Variants in DYNC2H1 observed in about 807,000 individuals in gnomAD.
DYNC2H1 encodes the protein cytoplasmic dynein 2 heavy chain 1.
A neutral mutation model predicts 570.0 loss-of-function variants in DYNC2H1; 410 were observed. The ratio of observed to expected loss-of-function variants is 0.72; its 90% CI spans 0.66 to 0.78. The LOEUF (loss-of-function observed/expected upper bound fraction) is 0.78, where lower values mean the gene tolerates loss of function less well. Among genes scored for constraint, DYNC2H1 ranks in the 30% least tolerant of loss-of-function variants. The probability of loss-of-function intolerance (pLI) is 0.00; values close to 1 mark genes in which losing one functional copy is unlikely to be tolerated. For synonymous variants in DYNC2H1, 1,688 were observed against 1,677.6 expected (o/e 1.01, Z -0.15); for missense variants, 4,865 against 5,046.4 (o/e 0.96, Z 1.09).
chr11:103,285,647 A>G (rs560053322), intron 73 of DYNC2H1, among the ~76,000 whole-genome samples: 74 of 150,964 alleles, frequency 4.9e-4, no homozygotes, highest in African/African-American at 1.4e-3. Context: ...CTGGTGTCAA[A>G]CTCCTGACCT....
intron 87 of DYNC2H1, among the ~76,000 whole-genome samples, chr11:103,467,509 CTGTTTTGTTTTGTTTTGTTT>C (rs6144488): frequency 0.074 from 10,975 of 149,248 alleles, 615 homozygotes; most frequent in East Asian, 0.25. Flanking sequence ...TTTGAAGGCA[CTGTTTTGTTTTGTTTTGTTT>C]TGTTTTGTTT....
chr11:103,224,657 G>A (rs569363652), intron 59 of DYNC2H1, among the ~76,000 whole-genome samples: 1 of 152,250 alleles, frequency 6.6e-6, no homozygotes, highest in African/African-American at 2.4e-5. Flanking sequence ...CTGAATGATG[G>A]GCATTGGGTT....
At position 103,117,847 on chromosome 11, in the gene DYNC2H1, G is replaced by T. The variant is rs1433105023; in HGVS notation, c.983G>T (p.Gly328Val). 4 of 1,611,718 alleles carry T rather than the reference G, an allele frequency of 2.5e-6. No individual in the cohort carries two copies. In the South Asian group the frequency reaches 3.3e-5, roughly 13 times the overall value. The change falls in exon 6 of 89, where the codon GGC (glycine) becomes GTC (valine). Residue 328 changes from glycine (G) to valine (V), a missense_variant. Gly to Val is a moderately radical substitution (Grantham distance 109). This residue lies in a region of DYNC2H1 where 1,936 missense variants were observed against 1,962.1 expected (regional missense o/e 0.99). Coordinates refer to ENST00000375735, the MANE Select transcript of DYNC2H1 (RefSeq NM_001377.3). ...TTTCCAGAAACACTTGACAAACTTG[G>T]CAAACGCCTTGAAGAGGTATCAATT... is the stretch of plus-strand genomic sequence containing the variant. ...KYFPETLDKL[G>V]KRLEEVLAIR...
In DYNC2H1 at chr11:103,152,165, C is replaced by CA; in HGVS notation, c.2981dup (p.Asn994LysfsTer16). 6.3e-7 allele frequency: 1 copy of CA among 1,596,050 alleles called. No individual in the cohort carries two copies. Among genetic ancestry groups the CA allele is most frequent in the Non-Finnish European group, 8.5e-7 (1 of 1,173,270 alleles). ...TGCCCTTATTTCAAGAAGCTGAAGA[C>CA]AAAAACAGACTTTTACGAACTGTGG... On this transcript the variant is annotated frameshift_variant, in exon 21 of 89. Coordinates refer to ENST00000375735, the MANE Select transcript of DYNC2H1 (RefSeq NM_001377.3). LOFTEE classifies it high-confidence loss of function.
chr11:103,191,679 A>T lies in DYNC2H1; in HGVS notation c.7540+60A>T, dbSNP rs899265242. ...GTGTGTGTGCACATTTATTCTCTAG[A>T]TTGTATTTGTAATAGATAAGTTAAA... is the stretch of plus-strand genomic sequence containing the variant. On this transcript the variant is annotated intron_variant, in intron 46 of 88. Coordinates refer to ENST00000375735, the MANE Select transcript of DYNC2H1 (RefSeq NM_001377.3). 5.1e-5 allele frequency: 51 copies of T among 999,800 alleles called. 1 individual carries two copies. In the Middle Eastern group the frequency reaches 6.9e-4, roughly 13 times the overall value. 61.9% of individuals were successfully genotyped at this position (999,800 alleles called of 1,614,324 possible). A position where few individuals can be genotyped will look rare whatever the true frequency, so the allele number is the denominator to read the frequency against.
intron 85 of DYNC2H1, among the ~76,000 whole-genome samples, chr11:103,443,286 C>G (rs642495): frequency 2.6e-5 from 4 of 151,658 alleles, no homozygotes; most frequent in Non-Finnish European, 4.4e-5. Context: ...TTTCCATTCT[C>G]TATTATCTAT....
intron 79 of DYNC2H1, among the ~76,000 whole-genome samples, chr11:103,314,006 G>A (rs1443142722): frequency 6.6e-6 from 1 of 151,956 alleles, no homozygotes; most frequent in Non-Finnish European, 1.5e-5. Flanking sequence ...AATCCTGAAG[G>A]ATAGATGAAC....
rs991308984 is a variant in DYNC2H1, at chr11:103,162,883, G to A, written c.4492-145G>A. 5 of 537,124 alleles carry A rather than the reference G, an allele frequency of 9.3e-6. No individual in the cohort carries two copies. In the Admixed American group the frequency reaches 1.1e-4, roughly 12 times the overall value. The allele number at this position is 537,124 out of a possible 1,614,324, so 33.3% of individuals were successfully genotyped here. A position where few individuals can be genotyped will look rare whatever the true frequency, so the allele number is the denominator to read the frequency against. On this transcript the variant is annotated intron_variant, in intron 29 of 88. Transcript: ENST00000375735. ...TATTCCTATAACACATTTTAGGAGT[G>A]TAATGATCAATAGGAAAGTATAATA...
chr11:103,311,546 A>G (rs886679752), intron 78 of DYNC2H1, among the ~76,000 whole-genome samples: 4 of 152,222 alleles, frequency 2.6e-5, no homozygotes, highest in Admixed American at 6.5e-5. Context: ...ATAACAATCA[A>G]TATCACATTA....
chr11:103,475,854 C>T (rs991362287), intron 88 of DYNC2H1, among the ~76,000 whole-genome samples: 1 of 151,980 alleles, frequency 6.6e-6, no homozygotes, highest in South Asian at 2.1e-4. Context: ...GTCTTTACAT[C>T]GATATAGAGA....
At chr11:103,373,305 T>A (rs1941252039) in intron 83 of DYNC2H1, among the ~76,000 whole-genome samples, 1 of 152,168 alleles carries the variant, frequency 6.6e-6, no homozygotes, top group South Asian at 2.1e-4. Flanking sequence ...TTTTCTGCTA[T>A]CAGTGTGTTG....
rs187445507 is a variant in DYNC2H1 at position 103,390,489 on chromosome 11, C to T, written c.12157-9174C>T. 3.5e-3 allele frequency among the ~76,000 whole-genome samples: 537 copies of T among 152,132 alleles called. 4 individuals are homozygous for T. The highest frequency in any genetic ancestry group is 0.012 in the African/African-American group (513 of 41,494). ...GTGTCTTTTAATTGGAGCATTTAGC[C>T]CATTTACATTTAAGGTTAGTATTGT... On this transcript the variant is annotated intron_variant, in intron 83 of 88. Coordinates refer to ENST00000375735, the MANE Select transcript of DYNC2H1 (RefSeq NM_001377.3).
At chr11:103,463,755 TAACC>T (rs1453327083) in intron 87 of DYNC2H1, among the ~76,000 whole-genome samples, 1 of 151,960 alleles carries the variant, frequency 6.6e-6, no homozygotes, top group Non-Finnish European at 1.5e-5. Flanking sequence ...CTGCCGCAAA[TAACC>T]AAACAAACAA....
intron 76 of DYNC2H1, among the ~76,000 whole-genome samples, chr11:103,303,951 C>A (rs938088639): frequency 1.3e-5 from 2 of 151,916 alleles, no homozygotes; most frequent in Non-Finnish European, 2.9e-5. Flanking sequence ...TGAAAGAAAT[C>A]CAGAAAATCT....
Position 103,109,583 on chromosome 11 carries a change from C to T in DYNC2H1, c.9C>T (p.Asn3=), listed in dbSNP as rs1471623012. The change falls in exon 1 of 89, where the codon AAC becomes AAT. Residue 3 remains asparagine (N), a synonymous_variant. Coordinates refer to ENST00000375735, the MANE Select transcript of DYNC2H1 (RefSeq NM_001377.3). MA[N]GTADVRKLFI... Reference sequence around the variant, plus strand: ...CTCCACCCCTTCCAATCATGGCGAACGGGACTGCGGACGTTCGGAAGCTCT... The same window carrying T: ...CTCCACCCCTTCCAATCATGGCGAATGGGACTGCGGACGTTCGGAAGCTCT... The T allele has an allele frequency of 5.0e-6, 8 of 1,613,408 alleles. No individual in the cohort carries two copies. The South Asian group carries it at 5.5e-5, about 11-fold the overall frequency.
At chr11:103,390,333 TG>T (rs755017823) in intron 83 of DYNC2H1, among the ~76,000 whole-genome samples, 1 of 150,724 alleles carries the variant, frequency 6.6e-6, no homozygotes, top group African/African-American at 2.5e-5. Context: ...TGCCTTTTTT[TG>T]TTTTCCATTT....
intron 84 of DYNC2H1, chr11:103,407,972 C>T (rs1270516386): frequency 1.3e-5 from 2 of 151,918 alleles, no homozygotes; most frequent in Non-Finnish European, 1.5e-5. Context: ...TTTGTCTGGG[C>T]TACAGCTCAT....
intron 65 of DYNC2H1, among the ~76,000 whole-genome samples, chr11:103,246,999 C>CT (rs369365481): frequency 0.094 from 13,498 of 143,988 alleles, 714 homozygotes; most frequent in Middle Eastern, 0.19. Context: ...TCTCTCTCTC[C>CT]TTTTTTTTTT....
At chr11:103,282,027 G>T in intron 71 of DYNC2H1, 152 bp from the exon 72 acceptor site, 20 of 525,832 alleles carry the variant, frequency 3.8e-5, no homozygotes, top group Non-Finnish European at 4.6e-5. Context: ...ATTCATTCTT[G>T]ATAATGTTAA....
Sources: gnomAD v4.1 joint callset for allele counts (sites outside exome capture counted in the v4.1 genomes callset) on GRCh38, gnomAD v4.1.1 for gene constraint, gnomAD v4.1.1 regional missense constraint, MANE v1.5 for transcripts, NCBI Gene and HGNC (gene_info 2026-07-23, HGNC 2026-07-21) for gene names.